Variants in DENND5A observed in about 807,000 individuals in gnomAD.
DENND5A encodes the protein DENN domain-containing protein 5A.
DENND5A carries 64 observed loss-of-function variants against 140.3 expected under a neutral mutation model. That is an observed-to-expected ratio of 0.46 (90% CI 0.37 to 0.56). The LOEUF (loss-of-function observed/expected upper bound fraction) is 0.56, where lower values mean the gene tolerates loss of function less well. DENND5A is among the 20% of genes least tolerant of loss of function. The probability of loss-of-function intolerance (pLI) is 0.00; values close to 1 mark genes in which losing one functional copy is unlikely to be tolerated. For missense variants in DENND5A, 1,292 were observed against 1,593.8 expected, an observed-to-expected ratio of 0.81 and a Z score of 3.22; for synonymous variants, 605 against 607.7, an observed-to-expected ratio of 1.00 and a Z score of 0.07.
chr11:9,194,263 C>A (rs1231271057), intron 4 of DENND5A, among the ~76,000 whole-genome samples: 1 of 152,106 alleles, frequency 6.6e-6, no homozygotes, highest in Non-Finnish European at 1.5e-5. Flanking sequence ...TATAACGTTT[C>A]AATAAAAAGC....
At chr11:9,140,284 T>C (rs566001441) in intron 22 of DENND5A, 102 of 1,143,064 alleles carry the variant, frequency 8.9e-5, no homozygotes, top group Non-Finnish European at 1.1e-4. Flanking sequence ...TTATCCCCAC[T>C]TTATAGATGA....
intron 1 of DENND5A, among the ~76,000 whole-genome samples, chr11:9,249,197 C>T (rs1034221028): frequency 1.1e-4 from 17 of 151,564 alleles, no homozygotes; most frequent in Non-Finnish European, 2.4e-4. Flanking sequence ...CACCGCACTC[C>T]AGCCTGGGAG....
At position 9,150,196 on chromosome 11, in the gene DENND5A, T is replaced by C. The variant is rs1267914696; in HGVS notation, c.2620A>G (p.Ile874Val). The part of the protein sequence containing the change: ...LIQDMRHIQN[I>V]GEIKTDVGKA... ...CCCACATCAGTCTTGATTTCCCCGA[T>C]GTTCTGGATGTGCCTGGAGGAAGAA... Residue 874 changes from isoleucine (I) to valine (V), a missense_variant, in exon 15 of 23, where the codon ATC (isoleucine) becomes GTC (valine). Physicochemically the swap from Ile to Val is conservative, Grantham distance 29 (BLOSUM62 3). Coordinates refer to ENST00000328194, the MANE Select transcript of DENND5A (RefSeq NM_015213.4). 6.2e-7 allele frequency: 1 copy of C among 1,613,706 alleles called. No individual in the cohort carries two copies. The highest frequency in any genetic ancestry group is 1.7e-5 in the Admixed American group (1 of 59,990).
chr11:9,239,523 G>A (rs879687257), intron 1 of DENND5A, among the ~76,000 whole-genome samples: 1 of 151,718 alleles, frequency 6.6e-6, no homozygotes, highest in Non-Finnish European at 1.5e-5. Context: ...GTAGAGACAA[G>A]GTCTTGCTAT....
intron 1 of DENND5A, among the ~76,000 whole-genome samples, chr11:9,243,487 G>A (rs1851331681): frequency 1.3e-5 from 2 of 152,170 alleles, no homozygotes; most frequent in Admixed American, 1.3e-4. Context: ...GCCACTCCAA[G>A]ACAGTAAGAC....
intron 5 of DENND5A, among the ~76,000 whole-genome samples, chr11:9,192,016 G>T (rs923795805): frequency 6.6e-6 from 1 of 152,100 alleles, no homozygotes; most frequent in Non-Finnish European, 1.5e-5. Flanking sequence ...CCATCATTTA[G>T]ATTTTTTTTC....
chr11:9,225,590 T>A (rs1187803683), intron 1 of DENND5A, among the ~76,000 whole-genome samples: 1 of 151,990 alleles, frequency 6.6e-6, no homozygotes, highest in African/African-American at 2.4e-5. Flanking sequence ...TAAAACCCTG[T>A]CTCTACTAAA....
intron 1 of DENND5A, among the ~76,000 whole-genome samples, chr11:9,215,085 C>T (rs751433722): frequency 6.6e-6 from 1 of 152,130 alleles, no homozygotes; most frequent in African/African-American, 2.4e-5. Flanking sequence ...GCTTACCAGG[C>T]TTTTCAATGT....
intron 1 of DENND5A, among the ~76,000 whole-genome samples, chr11:9,228,089 G>A (rs745394036): frequency 3.7e-5 from 5 of 136,014 alleles, no homozygotes; most frequent in Non-Finnish European, 7.6e-5. Flanking sequence ...CTCCAGCCTG[G>A]GCGATAGCAA....
chr11:9,256,914 A>G (rs1851970637), intron 1 of DENND5A, among the ~76,000 whole-genome samples: 2 of 152,246 alleles, frequency 1.3e-5, no homozygotes, highest in African/African-American at 2.4e-5. Flanking sequence ...AAAATTGTTT[A>G]TATATGGACA....
intron 14 of DENND5A, 127 bp from the exon 15 acceptor site, chr11:9,150,336 C>T: frequency 8.5e-7 from 1 of 1,173,532 alleles, no homozygotes. Context: ...GAGCCTATCT[C>T]TATATTCTCC....
At position 9,169,890 on chromosome 11, in the gene DENND5A, G is replaced by C; in HGVS notation, c.2117C>G (p.Thr706Arg). The change falls in exon 10 of 23, where the codon ACA becomes AGA. Residue 706 changes from threonine to arginine, a missense_variant. Physicochemically the swap from Thr to Arg is moderately conservative, Grantham distance 71. Transcript: ENST00000328194. Reference sequence around the variant, plus strand: ...GTCATTATCTAAACGCAGGTGTTCTGTGTGCTGCTTCTGCCGATCTTTCCG... The same window carrying C: ...GTCATTATCTAAACGCAGGTGTTCTCTGTGCTGCTTCTGCCGATCTTTCCG... ...WRRKDRQKQH[T>R]EHLRLDNDQR... The C allele has an allele frequency of 1.2e-6, 2 of 1,613,640 alleles. No homozygotes were observed. The highest frequency in any genetic ancestry group is 1.7e-6 in the Non-Finnish European group (2 of 1,179,556).
In DENND5A at chr11:9,265,185, G is replaced by A. The variant is rs1177488556; in HGVS notation, c.-116C>T. The A allele has an allele frequency of 4.3e-6, 2 of 467,020 alleles. No homozygotes were observed. The highest frequency in any genetic ancestry group is 6.3e-5 in the Admixed American group (1 of 15,776). The allele number at this position is 467,020 out of a possible 1,614,324, so 28.9% of individuals were successfully genotyped here. Reference sequence around the variant, plus strand: ...CCCGCCGCCGCCGCTACCGCGGCTCGGGCCGCCGCCCCCGGCCCTGGCCCG... The same window carrying A: ...CCCGCCGCCGCCGCTACCGCGGCTCAGGCCGCCGCCCCCGGCCCTGGCCCG... On this transcript the variant is annotated 5_prime_UTR_variant, in exon 1 of 23. Coordinates refer to ENST00000328194, the MANE Select transcript of DENND5A (RefSeq NM_015213.4). This position sits in a 1 kb window ranked among gnomAD's most constrained non-coding sequence, Gnocchi z 4.7.
At chr11:9,183,774 A>G (rs1310539658) in intron 5 of DENND5A, among the ~76,000 whole-genome samples, 1 of 152,190 alleles carries the variant, frequency 6.6e-6, no homozygotes, top group African/African-American at 2.4e-5. Flanking sequence ...ACTTCAATCA[A>G]CATTAGGTTG....
intron 17 of DENND5A, 118 bp downstream of exon 17, chr11:9,145,552 T>C: frequency 8.9e-7 from 1 of 1,122,002 alleles, no homozygotes; most frequent in Non-Finnish European, 1.3e-6. Context: ...GAAGGTCAGC[T>C]ATGCTGAAGC....
At chr11:9,226,321 T>C (rs1386966592) in intron 1 of DENND5A, among the ~76,000 whole-genome samples, 10 of 152,206 alleles carry the variant, frequency 6.6e-5, no homozygotes, top group Non-Finnish European at 1.0e-4. Flanking sequence ...CCCTACGGTA[T>C]AATTTGTCTG....
chr11:9,205,146 T>A (rs1849653650), intron 3 of DENND5A, among the ~76,000 whole-genome samples: 1 of 152,212 alleles, frequency 6.6e-6, no homozygotes, highest in Non-Finnish European at 1.5e-5. Context: ...TTAGTAAAAC[T>A]TCTTTTCACA....
intron 4 of DENND5A, among the ~76,000 whole-genome samples, chr11:9,194,803 T>G (rs1269239535): frequency 6.7e-6 from 1 of 149,880 alleles, no homozygotes; most frequent in Admixed American, 6.7e-5. Flanking sequence ...CACTGCAACC[T>G]CCACCTCCTG....
chr11:9,218,898 T>C (rs374654310), intron 1 of DENND5A, among the ~76,000 whole-genome samples: 3 of 151,758 alleles, frequency 2.0e-5, no homozygotes, highest in East Asian at 1.9e-4. Flanking sequence ...CCCAGCTACT[T>C]GGGAGGCTGA....
Sources: allele counts gnomAD v4.1 joint callset (sites outside exome capture counted in the v4.1 genomes callset), GRCh38; gene constraint gnomAD v4.1.1; non-coding constraint Gnocchi (gnomAD v3.1); transcripts MANE v1.5; gene names NCBI Gene and HGNC (gene_info 2026-07-23, HGNC 2026-07-21).